Variants in RYR2 observed in about 807,000 individuals in gnomAD.
RYR2 encodes cardiac muscle ryanodine receptor-calcium release channel.
In RYR2, 227 loss-of-function variants were observed where a neutral mutation model predicts 601.1. That is an observed-to-expected ratio of 0.38 (90% CI 0.34 to 0.42). The LOEUF is 0.42. RYR2 is among the 10% of genes least tolerant of loss of function. RYR2 has a pLI of 1.00. For missense variants in RYR2, 4,646 were observed against 6,156.5 expected, an observed-to-expected ratio of 0.75 and a Z score of 8.21; for synonymous variants, 2,223 against 2,175.1, an observed-to-expected ratio of 1.02 and a Z score of -0.61.
At position 237,070,279 on chromosome 1, in the gene RYR2, G is replaced by A. The variant is rs548928838; in HGVS notation, c.48+27710G>A. Among the ~76,000 whole-genome samples, 18 of 152,086 alleles carry A rather than the reference G, an allele frequency of 1.2e-4. No individual in the cohort carries two copies. The South Asian group carries it at 2.3e-3, about 19-fold the overall frequency. On this transcript the variant is annotated intron_variant, in intron 1 of 104. Transcript: ENST00000366574. ...GCAAAATTGGCAGCAAGATCCTCCT[G>A]CCTCAGCCTCCTGAGCAGCTGGGCC... is the stretch of plus-strand genomic sequence containing the variant.
chr1:237,651,917 G>A (rs774153542), intron 51 of RYR2, among the ~76,000 whole-genome samples: 6 of 152,064 alleles, frequency 3.9e-5, no homozygotes, highest in Non-Finnish European at 8.8e-5. Context: ...GGTGCCTGTA[G>A]GCCCAGTTAC....
intron 17 of RYR2, among the ~76,000 whole-genome samples, chr1:237,474,720 CTA>C (rs1661209467): frequency 6.6e-6 from 1 of 152,172 alleles, no homozygotes; most frequent in African/African-American, 2.4e-5. Flanking sequence ...GACTCAGGCC[CTA>C]CCTCAATCTC....
At chr1:237,358,064 A>G (rs745631595) in intron 4 of RYR2, among the ~76,000 whole-genome samples, 1 of 152,180 alleles carries the variant, frequency 6.6e-6, no homozygotes, top group Non-Finnish European at 1.5e-5. Flanking sequence ...GAAGGCCAAC[A>G]GAAAGTAATT....
intron 1 of RYR2, among the ~76,000 whole-genome samples, chr1:237,134,676 T>C (rs150570723): frequency 1.3e-5 from 2 of 152,336 alleles, no homozygotes; most frequent in East Asian, 1.9e-4. Flanking sequence ...TCTTTAATGA[T>C]AATCTATGTA....
intron 101 of RYR2, among the ~76,000 whole-genome samples, chr1:237,821,003 A>G (rs76208153): frequency 4.6e-5 from 7 of 152,078 alleles, no homozygotes; most frequent in African/African-American, 7.2e-5. Flanking sequence ...GCATCTCTGG[A>G]AAAAAAAGGC....
chr1:237,444,046 G>T (rs1473295449), intron 13 of RYR2, among the ~76,000 whole-genome samples: 1 of 152,050 alleles, frequency 6.6e-6, no homozygotes, highest in East Asian at 1.9e-4. Flanking sequence ...GTTTTGTTTG[G>T]TTGGTTGATT....
intron 25 of RYR2, among the ~76,000 whole-genome samples, chr1:237,531,248 A>G (rs1451608382): frequency 2.0e-5 from 3 of 152,184 alleles, no homozygotes; most frequent in Admixed American, 6.5e-5. Flanking sequence ...ATTGAGGTAG[A>G]TAGATGCTGT....
At chr1:237,768,749 T>A (rs779198440) in intron 84 of RYR2, among the ~76,000 whole-genome samples, 1 of 152,190 alleles carries the variant, frequency 6.6e-6, no homozygotes, top group African/African-American at 2.4e-5. Context: ...ATTTGCAGCA[T>A]GGGCAATGGC....
chr1:237,825,111 T>C (rs979980502), intron 101 of RYR2, among the ~76,000 whole-genome samples: 1 of 152,164 alleles, frequency 6.6e-6, no homozygotes, highest in African/African-American at 2.4e-5. Context: ...ATAGATTCAA[T>C]GCTATCCCCA....
rs376579930 is a variant in RYR2, at chr1:237,282,148, C to T, written c.168+11532C>T. Among the ~76,000 whole-genome samples the T allele has an allele frequency of 6.6e-5, 10 of 150,944 alleles. No individual in the cohort carries two copies. In the South Asian group the frequency reaches 1.9e-3, roughly 28 times the overall value. On this transcript the variant is annotated intron_variant, in intron 2 of 104. Transcript: ENST00000366574. ...ATGATTTAGCCATCACTGGAGTGAA[C>T]ACACTGCAGCAAATGAAGCTCTAAC...
chr1:237,823,085 A>G (rs2096128), intron 101 of RYR2, among the ~76,000 whole-genome samples: 39,856 of 151,938 alleles, frequency 0.26, 5,684 homozygotes, highest in East Asian at 0.61. Context: ...ATAATAGTGG[A>G]AGACTTTAAC....
chr1:237,794,085 GT>G (rs1658795334), intron 95 of RYR2, 88 bp downstream of exon 95: 2 of 1,150,674 alleles, frequency 1.7e-6, no homozygotes, highest in Admixed American at 2.1e-5. Flanking sequence ...TTTGTCAAAA[GT>G]TTAGCAGAGG....
At chr1:237,138,821 A>G (rs1310954759) in intron 1 of RYR2, among the ~76,000 whole-genome samples, 4 of 152,224 alleles carry the variant, frequency 2.6e-5, no homozygotes, top group African/African-American at 4.8e-5. Flanking sequence ...GTTAGTTATT[A>G]GGGAAATGCA....
intron 7 of RYR2, among the ~76,000 whole-genome samples, chr1:237,375,096 T>G (rs945223880): frequency 2.6e-5 from 4 of 152,182 alleles, no homozygotes; most frequent in African/African-American, 9.6e-5. Context: ...GTACACTAAT[T>G]AGTTTGTGAA....
chr1:237,171,399 C>T lies in RYR2; in HGVS notation c.49-99098C>T, dbSNP rs562066807. On this transcript the variant is annotated intron_variant, in intron 1 of 104. Coordinates refer to ENST00000366574, the MANE Select transcript of RYR2 (RefSeq NM_001035.3). ...ACTTTCTCATTCTAAACCCTGTTTG[C>T]CATACATCTAGAACTCACTAAGCCT... is the stretch of plus-strand genomic sequence containing the variant. 8.5e-5 allele frequency among the ~76,000 whole-genome samples: 13 copies of T among 152,254 alleles called. No homozygotes were observed. In the East Asian group the frequency reaches 2.3e-3, roughly 27 times the overall value.
At chr1:237,253,158 C>T (rs1373733808) in intron 1 of RYR2, among the ~76,000 whole-genome samples, 32 of 75,528 alleles carry the variant, frequency 4.2e-4, no homozygotes, top group African/African-American at 1.2e-3. Context: ...AGCGAGACTC[C>T]GTCTCAAAAA....
chr1:237,402,157 G>A (rs1703399608), intron 10 of RYR2, among the ~76,000 whole-genome samples: 2 of 151,828 alleles, frequency 1.3e-5, no homozygotes, highest in Admixed American at 6.6e-5. Context: ...ACTTTGGGAA[G>A]CCAAGGCAAG....
chr1:237,302,353 A>G (rs1693442188), intron 2 of RYR2, among the ~76,000 whole-genome samples: 1 of 152,184 alleles, frequency 6.6e-6, no homozygotes, highest in African/African-American at 2.4e-5. Context: ...GCGACTCACA[A>G]TTATGGTAAA....
rs1675066387 is a variant in RYR2 at position 237,590,767 on chromosome 1, A to G, written c.3935A>G (p.Glu1312Gly). The G allele has an allele frequency of 6.2e-7, 1 of 1,613,876 alleles. No homozygotes were observed. The highest frequency in any genetic ancestry group is 8.5e-7 in the Non-Finnish European group (1 of 1,179,848). Residue 1312 changes from glutamate to glycine, a missense_variant, in exon 31 of 105, where the codon GAG becomes GGG. Around this residue, in one of 17 missense-constraint regions of RYR2, gnomAD observed 1,807 missense variants for 2,088.1 expected, o/e 0.87. Transcript: ENST00000366574. ...CTGAGCATGCCGATCGAGTGCGCGG[A>G]GGTCTTCTCCAAGACGGTGGCTGGA... ...YRLSMPIECA[E>G]VFSKTVAGGL...
Sources: gnomAD v4.1 joint callset for allele counts (sites outside exome capture counted in the v4.1 genomes callset) on GRCh38, gnomAD v4.1.1 for gene constraint, gnomAD v4.1.1 regional missense constraint, MANE v1.5 for transcripts, NCBI Gene and HGNC (gene_info 2026-07-23, HGNC 2026-07-21) for gene names.